SUGCT: variants seen among roughly 807,000 people sequenced by gnomAD.
SUGCT encodes the protein succinyl-CoA:glutarate CoA-transferase.
SUGCT carries 41 observed loss-of-function variants against 55.0 expected under a neutral mutation model. The ratio of observed to expected loss-of-function variants is 0.74; its 90% CI spans 0.58 to 0.97. The LOEUF is 0.97. Ranked by LOEUF, SUGCT falls within the 50% of genes least tolerant of loss-of-function variation. The probability of loss-of-function intolerance (pLI) is 0.00; values close to 1 mark genes in which losing one functional copy is unlikely to be tolerated. For missense variants in SUGCT, 568 were observed against 547.8 expected (o/e 1.04, Z -0.37); for synonymous variants, 187 against 200.4 (o/e 0.93, Z 0.56).
the SUGCT span, among the ~76,000 whole-genome samples, chr7:41,019,764 A>C: frequency 1.3e-5 from 2 of 152,320 alleles, no homozygotes; most frequent in Middle Eastern, 6.8e-3. Flanking sequence ...GTTATCTGTA[A>C]AATCTCTGGT....
chr7:40,654,305 A>G (rs1800917110), intron 12 of SUGCT, among the ~76,000 whole-genome samples: 1 of 152,178 alleles, frequency 6.6e-6, no homozygotes, highest in Non-Finnish European at 1.5e-5. Flanking sequence ...GCAACCCACA[A>G]GCTTGCACAT....
chr7:40,692,593 A>G (rs1441237884), intron 12 of SUGCT, among the ~76,000 whole-genome samples: 1 of 152,196 alleles, frequency 6.6e-6, no homozygotes, highest in African/African-American at 2.4e-5. Context: ...ATGGAGTAGA[A>G]TATACTACTG....
At position 40,713,423 on chromosome 7, in the gene SUGCT, CTT is replaced by C. The variant is rs1434405694; in HGVS notation, c.1090-36009_1090-36008del. Among the ~76,000 whole-genome samples, 3 of 152,200 alleles carry C rather than the reference CTT, an allele frequency of 2.0e-5. No homozygotes were observed. The East Asian group carries it at 5.8e-4, about 29-fold the overall frequency. Reference sequence around the variant, plus strand: ...TTTCTTGGTTATCTTCTGCAGGCCTCTTTGATTAAGCTTGAGGGCAGGAAGAA... The same window carrying C: ...TTTCTTGGTTATCTTCTGCAGGCCTCTGATTAAGCTTGAGGGCAGGAAGAA... On this transcript the variant is annotated intron_variant, in intron 12 of 13. Transcript: ENST00000335693.
At chr7:40,988,607 G>A in the SUGCT span, among the ~76,000 whole-genome samples, 10 of 152,022 alleles carry the variant, frequency 6.6e-5, no homozygotes, top group Admixed American at 1.3e-4. Flanking sequence ...GAAAAAAAGT[G>A]TGTGTTTAAA....
intron 13 of SUGCT, among the ~76,000 whole-genome samples, chr7:40,810,977 A>G (rs1175785810): frequency 1.3e-5 from 2 of 152,148 alleles, no homozygotes; most frequent in East Asian, 1.9e-4. Context: ...TCTTCTGTAT[A>G]TGGCTAGACA....
In SUGCT at chr7:40,449,272, A is replaced by G. The variant is rs1318011323; in HGVS notation, c.817-15A>G. 1 of 1,575,990 alleles carries G rather than the reference A, an allele frequency of 6.3e-7. No homozygotes were observed. Among genetic ancestry groups the G allele is most frequent in the East Asian group, 2.2e-5 (1 of 44,524 alleles). ...ACATATAAATAATATTTACCTGTGT[A>G]TTTATTTCTTTTAGGCTTTTAAAAC... On this transcript the variant is annotated splice_polypyrimidine_tract_variant and intron_variant, in intron 9 of 13. Coordinates refer to ENST00000335693, the MANE Select transcript of SUGCT (RefSeq NM_001193313.2).
chr7:40,856,262 G>GT (rs920665583), intron 13 of SUGCT, among the ~76,000 whole-genome samples: 2 of 152,078 alleles, frequency 1.3e-5, no homozygotes, highest in African/African-American at 2.4e-5. Context: ...TTCATATGAA[G>GT]TTTTTTTGTT....
intron 9 of SUGCT, among the ~76,000 whole-genome samples, chr7:40,362,697 A>G (rs972042993): frequency 6.6e-6 from 1 of 152,178 alleles, no homozygotes; most frequent in African/African-American, 2.4e-5. Context: ...AAAAATTGAG[A>G]TATAATGATA....
intron 9 of SUGCT, among the ~76,000 whole-genome samples, chr7:40,420,421 C>T (rs1231143024): frequency 2.6e-5 from 4 of 152,152 alleles, no homozygotes; most frequent in Non-Finnish European, 2.9e-5. Flanking sequence ...TCACTGCAAT[C>T]TCCATCTCCT....
At chr7:40,256,030 A>G (rs1206484868) in intron 7 of SUGCT, among the ~76,000 whole-genome samples, 3 of 152,208 alleles carry the variant, frequency 2.0e-5, no homozygotes, top group East Asian at 3.8e-4. Context: ...TCTCCTTGAC[A>G]GAGTTGGATC....
In SUGCT at chr7:40,764,567, T is replaced by G. The variant is rs534495918; in HGVS notation, c.1153+15070T>G. 2.0e-5 allele frequency among the ~76,000 whole-genome samples: 3 copies of G among 152,130 alleles called. No homozygotes were observed. In the East Asian group the frequency reaches 5.8e-4, roughly 29 times the overall value. On this transcript the variant is annotated intron_variant, in intron 13 of 13. Transcript: ENST00000335693. ...TTAGTACTGATGGAAAAAACAGACC[T>G]GACAGGAAGGTTAAAAAAAAATAAG...
At chr7:40,955,911 G>T in the SUGCT span, among the ~76,000 whole-genome samples, 1 of 152,164 alleles carries the variant, frequency 6.6e-6, no homozygotes, top group Non-Finnish European at 1.5e-5. Flanking sequence ...CATTGATTCT[G>T]TTTATGTGAT....
intron 12 of SUGCT, among the ~76,000 whole-genome samples, chr7:40,566,078 A>T (rs1042898192): frequency 6.6e-6 from 1 of 151,976 alleles, no homozygotes; most frequent in African/African-American, 2.4e-5. Flanking sequence ...CACTCAGTGA[A>T]TATGTGTGTT....
At chr7:40,632,513 C>T (rs1177070585) in intron 12 of SUGCT, among the ~76,000 whole-genome samples, 1 of 145,784 alleles carries the variant, frequency 6.9e-6, no homozygotes, top group Admixed American at 7.0e-5. Flanking sequence ...CCTAGTCACT[C>T]AACATGAAGA....
chr7:40,527,148 T>C (rs2151586893), intron 12 of SUGCT, among the ~76,000 whole-genome samples: 1 of 152,368 alleles, frequency 6.6e-6, no homozygotes, highest in Non-Finnish European at 1.5e-5. Flanking sequence ...TAAGTCTTTA[T>C]GATCTAAATA....
intron 7 of SUGCT, 52 bp downstream of exon 7, chr7:40,237,778 A>T (rs1789111010): frequency 6.6e-7 from 1 of 1,510,766 alleles, no homozygotes; most frequent in African/African-American, 1.4e-5. Flanking sequence ...CATATTCCAA[A>T]AGGATTTTAC....
At chr7:40,526,885 TGC>T (rs1474996952) in intron 12 of SUGCT, among the ~76,000 whole-genome samples, 2 of 152,214 alleles carry the variant, frequency 1.3e-5, no homozygotes, top group Admixed American at 6.5e-5. Flanking sequence ...TTTCCCTTGA[TGC>T]CAGAAGATGT....
chr7:40,859,842 C>T (rs568638822), intron 13 of SUGCT, among the ~76,000 whole-genome samples: 38 of 152,330 alleles, frequency 2.5e-4, no homozygotes, highest in Admixed American at 7.8e-4. Flanking sequence ...GCTGAGGTTT[C>T]GGTGATCTGC....
At chr7:40,239,257 T>G (rs915896913) in intron 7 of SUGCT, among the ~76,000 whole-genome samples, 26 of 152,122 alleles carry the variant, frequency 1.7e-4, no homozygotes, top group Non-Finnish European at 3.5e-4. Context: ...ATTTTTAAAT[T>G]TTTTGTAGAG....
Sources: allele counts gnomAD v4.1 joint callset (sites outside exome capture counted in the v4.1 genomes callset), GRCh38; gene constraint gnomAD v4.1.1; transcripts MANE v1.5; gene names NCBI Gene and HGNC (gene_info 2026-07-23, HGNC 2026-07-21).